PIP5K1B: variants seen among roughly 807,000 people sequenced by gnomAD.
PIP5K1B encodes phosphatidylinositol-4-phosphate 5-kinase type 1 beta, also known as phosphatidylinositol 4-phosphate 5-kinase type-1 beta.
Under a neutral mutation model 67.0 loss-of-function variants are expected in PIP5K1B, and 42 were observed. The observed-to-expected ratio is 0.63, with a 90% CI of 0.49 to 0.81. The LOEUF (loss-of-function observed/expected upper bound fraction) is 0.81, where lower values mean the gene tolerates loss of function less well. Among genes scored for constraint, PIP5K1B ranks in the 30% least tolerant of loss-of-function variants. The pLI, the probability that PIP5K1B is intolerant of heterozygous loss-of-function variation, is 0.00. For synonymous variants in PIP5K1B, 214 were observed against 231.4 expected (o/e 0.92, Z 0.68); for missense variants, 459 against 646.3 (o/e 0.71, Z 3.14).
intron 4 of PIP5K1B, among the ~76,000 whole-genome samples, chr9:68,828,206 C>A (rs955809608): frequency 6.6e-6 from 1 of 152,248 alleles, no homozygotes; most frequent in Non-Finnish European, 1.5e-5. Context: ...TCACCCCTTC[C>A]TCTTCTGTTT....
intron 8 of PIP5K1B, among the ~76,000 whole-genome samples, chr9:68,909,369 G>A (rs1341679731): frequency 6.7e-6 from 1 of 148,632 alleles, no homozygotes; most frequent in East Asian, 2.0e-4. Context: ...TTACTCATAT[G>A]TACTTTAGTA....
chr9:68,820,102 G>T (rs1031169971), intron 3 of PIP5K1B, among the ~76,000 whole-genome samples: 2 of 152,000 alleles, frequency 1.3e-5, no homozygotes, highest in African/African-American at 4.8e-5. Context: ...TGCTCTTGTA[G>T]TTTTTTGGTT....
At chr9:68,902,843 C>T (rs1169373544) in intron 8 of PIP5K1B, among the ~76,000 whole-genome samples, 1 of 152,116 alleles carries the variant, frequency 6.6e-6, no homozygotes, top group Non-Finnish European at 1.5e-5. Context: ...TAAAAAATTA[C>T]TTGAGTATAT....
chr9:68,822,308 T>C lies in PIP5K1B; in HGVS notation c.1-307T>C, dbSNP rs1034002799. 4 of 206,470 alleles carry C rather than the reference T, an allele frequency of 1.9e-5. No homozygotes were observed. In the South Asian group the frequency reaches 3.1e-4, roughly 16 times the overall value. 12.8% of individuals were successfully genotyped at this position (206,470 alleles called of 1,614,324 possible). On this transcript the variant is annotated intron_variant, in intron 3 of 15. Coordinates refer to ENST00000265382, the MANE Select transcript of PIP5K1B (RefSeq NM_003558.4). The stretch of plus-strand genomic sequence containing the variant: ...TGCATTCCAATTCCAGCCTGGGTGA[T>C]AGAGTGAAACCCCATCTCTAAAAAA...
At chr9:68,879,613 A>G (rs1206881338) in intron 6 of PIP5K1B, among the ~76,000 whole-genome samples, 2 of 152,126 alleles carry the variant, frequency 1.3e-5, no homozygotes, top group African/African-American at 4.8e-5. Context: ...TTTGAATTAG[A>G]GAGGAGGAAT....
At chr9:68,895,030 G>A (rs577731568) in intron 8 of PIP5K1B, among the ~76,000 whole-genome samples, 8 of 152,244 alleles carry the variant, frequency 5.3e-5, no homozygotes, top group East Asian at 1.9e-4. Context: ...AGTAAGACTC[G>A]AACTGGGGAG....
intron 14 of PIP5K1B, among the ~76,000 whole-genome samples, chr9:68,942,238 T>G (rs929147394): frequency 6.6e-6 from 1 of 152,328 alleles, no homozygotes; most frequent in East Asian, 1.9e-4. Flanking sequence ...CTATATAAAG[T>G]TCTTTTGCTC....
intron 5 of PIP5K1B, among the ~76,000 whole-genome samples, chr9:68,871,742 A>T (rs1228912370): frequency 6.6e-6 from 1 of 152,152 alleles, no homozygotes; most frequent in African/African-American, 2.4e-5. Flanking sequence ...TTAGGTTCTT[A>T]CTTGGCAAAA....
At chr9:68,945,709 A>C (rs1827771702) in intron 14 of PIP5K1B, among the ~76,000 whole-genome samples, 1 of 152,234 alleles carries the variant, frequency 6.6e-6, no homozygotes, top group South Asian at 2.1e-4. Context: ...CTTACACATG[A>C]GGAAATTGAT....
chr9:68,972,800 C>T (rs1829450114), intron 14 of PIP5K1B, among the ~76,000 whole-genome samples: 1 of 152,050 alleles, frequency 6.6e-6, no homozygotes, highest in African/African-American at 2.4e-5. Flanking sequence ...TTATCTTCAA[C>T]AATAATACTA....
intron 4 of PIP5K1B, among the ~76,000 whole-genome samples, chr9:68,857,891 A>C (rs960672453): frequency 6.6e-6 from 1 of 152,076 alleles, no homozygotes; most frequent in Non-Finnish European, 1.5e-5. Flanking sequence ...GAGAAATAAT[A>C]AATAAATGGG....
At chr9:68,907,589 T>C (rs2132468858) in intron 8 of PIP5K1B, among the ~76,000 whole-genome samples, 1 of 152,314 alleles carries the variant, frequency 6.6e-6, no homozygotes, top group South Asian at 2.1e-4. Flanking sequence ...TCAATACCGA[T>C]GGTGACTTTC....
At position 68,847,413 on chromosome 9, in the gene PIP5K1B, TTGTGTG is replaced by T. The variant is rs777818994; in HGVS notation, c.70-16378_70-16373del. Among the ~76,000 whole-genome samples the T allele has an allele frequency of 6.5e-3, 660 of 101,634 alleles. 2 individuals are homozygous for T. Among genetic ancestry groups the T allele is most frequent in the African/African-American group, 0.018 (454 of 25,938 alleles). The allele number at this position is 101,634 out of a possible 152,430, so 66.7% of individuals were successfully genotyped here. A position where few individuals can be genotyped will look rare whatever the true frequency, so the allele number is the denominator to read the frequency against. On this transcript the variant is annotated intron_variant, in intron 4 of 15. Coordinates refer to ENST00000265382, the MANE Select transcript of PIP5K1B (RefSeq NM_003558.4). ...TAAATCAGCAACAACAGCAGTGGTT[TTGTGTG>T]TGTGTGTGTGTGTGTGTGTGTGTGT... is the stretch of plus-strand genomic sequence containing the variant.
chr9:68,853,072 G>A (rs1286015505), intron 4 of PIP5K1B, among the ~76,000 whole-genome samples: 1 of 152,186 alleles, frequency 6.6e-6, no homozygotes, highest in East Asian at 1.9e-4. Context: ...CTGGGAGGTG[G>A]TTTTAAAAGG....
At chr9:68,773,043 G>C (rs1712692012) in intron 2 of PIP5K1B, among the ~76,000 whole-genome samples, 2 of 152,132 alleles carry the variant, frequency 1.3e-5, no homozygotes, top group Admixed American at 1.3e-4. Context: ...TCCCACTGCT[G>C]GAAGTATGAT....
At chr9:68,925,221 A>G (rs1403869572) in intron 12 of PIP5K1B, among the ~76,000 whole-genome samples, 1 of 152,032 alleles carries the variant, frequency 6.6e-6, no homozygotes, top group Non-Finnish European at 1.5e-5. Context: ...TTATGAACAT[A>G]ATTTCAGATA....
chr9:68,854,051 A>ATTATTG (rs1822638022), intron 4 of PIP5K1B, among the ~76,000 whole-genome samples: 1 of 150,476 alleles, frequency 6.6e-6, no homozygotes, highest in African/African-American at 2.4e-5. Context: ...TATTATTATT[A>ATTATTG]TTAAGCTGGA....
intron 1 of PIP5K1B, among the ~76,000 whole-genome samples, chr9:68,720,613 T>G (rs1356210593): frequency 6.6e-6 from 1 of 152,244 alleles, no homozygotes; most frequent in Admixed American, 6.5e-5. Flanking sequence ...TTCTCACTTC[T>G]GTCTCCAGAT....
intron 2 of PIP5K1B, among the ~76,000 whole-genome samples, chr9:68,805,317 A>G (rs1832813268): frequency 6.6e-6 from 1 of 152,170 alleles, no homozygotes; most frequent in African/African-American, 2.4e-5. Context: ...AAGGCCTCGA[A>G]TACCTGGAGT....
Sources: allele counts gnomAD v4.1 joint callset (sites outside exome capture counted in the v4.1 genomes callset), GRCh38; gene constraint gnomAD v4.1.1; transcripts MANE v1.5; gene names NCBI Gene and HGNC (gene_info 2026-07-23, HGNC 2026-07-21).